The following TLN2 variants were observed in gnomAD, a reference collection of about 807,000 sequenced individuals.
The protein encoded by TLN2 is talin-2.
TLN2 carries 118 observed loss-of-function variants against 294.7 expected under a neutral mutation model. The observed-to-expected ratio is 0.40, with a 90% CI of 0.34 to 0.47. TLN2 has a LOEUF of 0.47. TLN2 is among the 20% of genes least tolerant of loss of function. The pLI, the probability that TLN2 is intolerant of heterozygous loss-of-function variation, is 0.84. For missense variants in TLN2, 3,083 were observed against 3,282.2 expected, an observed-to-expected ratio of 0.94 and a Z score of 1.48; for synonymous variants, 1,431 against 1,304.5, an observed-to-expected ratio of 1.10 and a Z score of -2.09.
chr15:62,499,005 G>T (rs1257103248), intron 1 of TLN2, among the ~76,000 whole-genome samples: 2 of 152,142 alleles, frequency 1.3e-5, no homozygotes, highest in South Asian at 4.1e-4. Flanking sequence ...TATGGTCTTT[G>T]CCACTGTACT....
At chr15:62,484,298 A>G (rs926150038) in intron 1 of TLN2, among the ~76,000 whole-genome samples, 2 of 152,222 alleles carry the variant, frequency 1.3e-5, no homozygotes, top group Non-Finnish European at 2.9e-5. Flanking sequence ...AAAAAAAGAA[A>G]TAATAGCGTT....
intron 1 of TLN2, among the ~76,000 whole-genome samples, chr15:62,574,056 G>C (rs996079312): frequency 6.6e-6 from 1 of 152,084 alleles, no homozygotes; most frequent in Non-Finnish European, 1.5e-5. Context: ...ACCAAATGAA[G>C]TGACTGCCAG....
intron 4 of TLN2, among the ~76,000 whole-genome samples, chr15:62,649,288 G>A (rs891087624): frequency 6.0e-5 from 9 of 150,488 alleles, no homozygotes; most frequent in Non-Finnish European, 1.3e-4. Flanking sequence ...TTTTTCTGTC[G>A]GATTTTTTTT....
chr15:62,746,581 T>G (rs1327595923), intron 32 of TLN2, among the ~76,000 whole-genome samples: 3 of 152,262 alleles, frequency 2.0e-5, no homozygotes, highest in Non-Finnish European at 4.4e-5. Flanking sequence ...AGCCGATTGC[T>G]TTTGTACATT....
chr15:62,536,383 A>G (rs1206362297), intron 1 of TLN2, among the ~76,000 whole-genome samples: 1 of 152,096 alleles, frequency 6.6e-6, no homozygotes, highest in Non-Finnish European at 1.5e-5. Context: ...CCCTTCTCTC[A>G]TCCGTAGGGG....
chr15:62,510,218 G>T (rs1387346662), intron 1 of TLN2, among the ~76,000 whole-genome samples: 2 of 152,158 alleles, frequency 1.3e-5, no homozygotes, highest in African/African-American at 4.8e-5. Flanking sequence ...CTTTGGGTCA[G>T]CACTGGGCAC....
chr15:62,794,257 G>A (rs142878076), intron 46 of TLN2, among the ~76,000 whole-genome samples: 5 of 152,258 alleles, frequency 3.3e-5, no homozygotes, highest in East Asian at 1.9e-4. Context: ...GAGGTGGCTC[G>A]TTCCTAGCAA....
At chr15:62,780,298 T>C (rs1567590120) in intron 43 of TLN2, among the ~76,000 whole-genome samples, 2 of 152,172 alleles carry the variant, frequency 1.3e-5, no homozygotes, top group Admixed American at 1.3e-4. Flanking sequence ...TCATTGGCAT[T>C]ATCATCTTTA....
chr15:62,518,107 C>T (rs879686897), intron 1 of TLN2, among the ~76,000 whole-genome samples: 7 of 151,662 alleles, frequency 4.6e-5, no homozygotes, highest in Admixed American at 6.6e-5. Flanking sequence ...GGCATGATTT[C>T]GGCTCACTGC....
At chr15:62,512,149 G>GT (rs2039968533) in intron 1 of TLN2, among the ~76,000 whole-genome samples, 1 of 152,162 alleles carries the variant, frequency 6.6e-6, no homozygotes, top group East Asian at 1.9e-4. Context: ...TTTGGATGAT[G>GT]TTTTTTACAC....
At chr15:62,818,292 T>C (rs1000221968) in intron 52 of TLN2, among the ~76,000 whole-genome samples, 1 of 152,350 alleles carries the variant, frequency 6.6e-6, no homozygotes, top group South Asian at 2.1e-4. Flanking sequence ...ACAGCAGTTA[T>C]ACTTCTCTCC....
rs1005124201 is a variant in TLN2, at chr15:62,809,778, G to T, written c.6664-147G>T. On this transcript the variant is annotated intron_variant, in intron 51 of 58. Coordinates refer to ENST00000636159, the MANE Select transcript of TLN2 (RefSeq NM_015059.3). ...GTGGGCAGGTGGGAGGTGGCAGGAG[G>T]ACGTAGAGGAGAGATACCTCTTCTG... 1.3e-5 allele frequency: 9 copies of T among 685,754 alleles called. No homozygotes were observed. The African/African-American group carries it at 1.6e-4, about 12-fold the overall frequency. The allele number at this position is 685,754 out of a possible 1,614,324, so 42.5% of individuals were successfully genotyped here. A position where few individuals can be genotyped will look rare whatever the true frequency, so the allele number is the denominator to read the frequency against.
At chr15:62,470,212 T>C (rs1490613189) in intron 1 of TLN2, among the ~76,000 whole-genome samples, 1 of 152,150 alleles carries the variant, frequency 6.6e-6, no homozygotes, top group East Asian at 1.9e-4. Context: ...AGTCAGTGTT[T>C]CCAACCTATG....
intron 9 of TLN2, among the ~76,000 whole-genome samples, chr15:62,663,066 C>T (rs11630658): frequency 0.8 from 121,018 of 151,986 alleles, 51,898 homozygotes; most frequent in East Asian, 0.96. Context: ...CCTCCTGCCT[C>T]GGCCTCCCAA....
At chr15:62,485,516 TG>T (rs1378479673) in intron 1 of TLN2, among the ~76,000 whole-genome samples, 1 of 152,086 alleles carries the variant, frequency 6.6e-6, no homozygotes, top group Non-Finnish European at 1.5e-5. Flanking sequence ...TCCCTTCCCA[TG>T]GGAAAAGGGC....
At chr15:62,676,096 G>A (rs560349181) in intron 11 of TLN2, among the ~76,000 whole-genome samples, 16 of 152,234 alleles carry the variant, frequency 1.1e-4, no homozygotes, top group African/African-American at 3.1e-4. Context: ...GCCGTGTTGC[G>A]GCTGCATCCA....
At chr15:62,684,640 G>A (rs1392176044) in intron 11 of TLN2, among the ~76,000 whole-genome samples, 7 of 151,988 alleles carry the variant, frequency 4.6e-5, no homozygotes, top group Non-Finnish European at 8.8e-5. Context: ...GGGCGGTTGG[G>A]GGTGGGTAGG....
At chr15:62,722,606 G>T (rs2060213008) in intron 26 of TLN2, 119 bp downstream of exon 26, 1 of 1,285,922 alleles carries the variant, frequency 7.8e-7, no homozygotes. Context: ...CATTCTACTT[G>T]CATGACTATT....
intron 2 of TLN2, among the ~76,000 whole-genome samples, chr15:62,606,018 G>T (rs1246169177): frequency 6.6e-6 from 1 of 152,186 alleles, no homozygotes; most frequent in Non-Finnish European, 1.5e-5. Context: ...AGTAGTGTTA[G>T]TCGATAGTGC....
Sources: allele counts gnomAD v4.1 joint callset (sites outside exome capture counted in the v4.1 genomes callset), GRCh38; gene constraint gnomAD v4.1.1; transcripts MANE v1.5; gene names NCBI Gene and HGNC (gene_info 2026-07-23, HGNC 2026-07-21).